The following C3orf49 variants were observed in gnomAD, a reference collection of about 807,000 sequenced individuals.
C3orf49 encodes chromosome 3 open reading frame 49, also known as putative uncharacterized protein C3orf49.
C3orf49 carries 27 observed loss-of-function variants against 13.3 expected under a neutral mutation model. The observed-to-expected ratio is 2.02, with a 90% CI of 1.49 to 2.79. The LOEUF (loss-of-function observed/expected upper bound fraction) is 2.79. Ranked by LOEUF, C3orf49 falls within the 30% of genes most tolerant of loss-of-function variation. The pLI is 0.00. For synonymous variants in C3orf49, 87 were observed against 47.6 expected (o/e 1.83, Z -3.40); for missense variants, 242 against 134.2 (o/e 1.80, Z -3.97).
intron 1 of C3orf49, among the ~76,000 whole-genome samples, chr3:63,821,285 G>T (rs1169662344): frequency 1.3e-5 from 2 of 152,112 alleles, no homozygotes; most frequent in East Asian, 3.9e-4. Context: ...GTTCTGTTTA[G>T]AACAGTGTTT....
chr3:63,839,294 C>T (rs915876725), intron 5 of C3orf49, among the ~76,000 whole-genome samples: 9 of 152,100 alleles, frequency 5.9e-5, no homozygotes, highest in Non-Finnish European at 1.0e-4. Context: ...GCAGAAATCA[C>T]GATTAATTTT....
upstream of C3orf49, among the ~76,000 whole-genome samples, chr3:63,814,581 C>T (rs552447037): frequency 2.6e-5 from 4 of 152,174 alleles, no homozygotes; most frequent in South Asian, 4.1e-4. Context: ...CAGATTTTGT[C>T]CTGCTACAGC....
At chr3:63,788,618 A>G in the C3orf49 span, among the ~76,000 whole-genome samples, 3 of 152,076 alleles carry the variant, frequency 2.0e-5, no homozygotes, top group East Asian at 5.8e-4. Context: ...GCCAACAGAG[A>G]GGGGTAAACC....
intron 5 of C3orf49, chr3:63,839,559 A>T: frequency 2.0e-6 from 2 of 1,000,024 alleles, no homozygotes; most frequent in Admixed American, 1.8e-5. Flanking sequence ...CTGTACATTT[A>T]AGGTGAGTGA....
intron 5 of C3orf49, chr3:63,835,367 T>C: frequency 6.2e-7 from 1 of 1,613,512 alleles, no homozygotes; most frequent in South Asian, 1.1e-5. Flanking sequence ...ATGCTCTAAT[T>C]CTTTTCCCAG....
chr3:63,835,780 T>G (rs1266626357), intron 5 of C3orf49, among the ~76,000 whole-genome samples: 3 of 152,102 alleles, frequency 2.0e-5, no homozygotes, highest in Admixed American at 1.3e-4. Flanking sequence ...CTGGGCCTTT[T>G]TATCTCCTCT....
chr3:63,809,564 A>G, the C3orf49 span, among the ~76,000 whole-genome samples: 2 of 152,190 alleles, frequency 1.3e-5, no homozygotes, highest in African/African-American at 4.8e-5. Flanking sequence ...CGTCTCACAC[A>G]GAGCAAAAGG....
Position 63,848,440 on chromosome 3 carries a change from C to T in C3orf49, c.*107C>T, listed in dbSNP as rs1272644582. ...ATGAGCTGGAAGTCCTTCCCACCCC[C>T]CACCTTCAAGCTGTCCTGCTTTTCT... On this transcript the variant is annotated 3_prime_UTR_variant, in exon 7 of 7. Transcript: ENST00000295896. The T allele has an allele frequency of 6.6e-6, 1 of 152,194 alleles. No homozygotes were observed. Among genetic ancestry groups the T allele is most frequent in the African/African-American group, 2.4e-5 (1 of 41,448 alleles). 9.4% of individuals were successfully genotyped at this position (152,194 alleles called of 1,614,324 possible).
At chr3:63,843,304 G>A (rs959389551) in intron 5 of C3orf49, among the ~76,000 whole-genome samples, 2 of 151,748 alleles carry the variant, frequency 1.3e-5, no homozygotes, top group African/African-American at 4.8e-5. Flanking sequence ...TTCCAGTAGA[G>A]ATGGGGTTTA....
At chr3:63,783,565 C>CACACACAA in the C3orf49 span, among the ~76,000 whole-genome samples, 32 of 134,202 alleles carry the variant, frequency 2.4e-4, 1 homozygote, top group African/African-American at 8.7e-4. Flanking sequence ...CACACACACA[C>CACACACAA]AAATTAGCCA....
intron 5 of C3orf49, among the ~76,000 whole-genome samples, chr3:63,840,398 C>A (rs186331758): frequency 6.6e-6 from 1 of 151,872 alleles, no homozygotes; most frequent in African/African-American, 2.4e-5. Context: ...TTGAGACCAG[C>A]CTGACCAACA....
the C3orf49 span, among the ~76,000 whole-genome samples, chr3:63,807,749 C>CT: frequency 2.7e-5 from 4 of 149,002 alleles, no homozygotes; most frequent in Non-Finnish European, 5.9e-5. Flanking sequence ...CCCAGCTACT[C>CT]GAGAGGTTGA....
chr3:63,804,682 T>C, the C3orf49 span, among the ~76,000 whole-genome samples: 2 of 152,304 alleles, frequency 1.3e-5, no homozygotes, highest in East Asian at 3.9e-4. Flanking sequence ...TACAATTTTA[T>C]GTTAGATTGG....
chr3:63,831,728 G>T lies in C3orf49; in HGVS notation c.733G>T (p.Ala245Ser), dbSNP rs1271555948. The change falls in exon 5 of 7, where the codon GCC becomes TCC. Residue 245 changes from alanine to serine, a missense_variant. Coordinates refer to ENST00000295896, the MANE Select transcript of C3orf49 (RefSeq NM_001355236.2). The part of the protein sequence containing the change: ...TVTDKSMKLL[A>S]QRHAELQQCE... The stretch of plus-strand genomic sequence containing the variant: ...GACTGATAAATCCATGAAGCTACTG[G>T]CCCAAAGACATGCTGAGCTTCAACA... The T allele has an allele frequency of 1.3e-5, 9 of 702,968 alleles. No individual in the cohort carries two copies. Among genetic ancestry groups the T allele is most frequent in the Non-Finnish European group, 2.3e-5 (9 of 385,036 alleles). 43.5% of individuals were successfully genotyped at this position (702,968 alleles called of 1,614,324 possible).
the C3orf49 span, among the ~76,000 whole-genome samples, chr3:63,785,362 G>A: frequency 9.2e-5 from 14 of 152,016 alleles, no homozygotes; most frequent in East Asian, 2.3e-3. Flanking sequence ...GTGAGCCACC[G>A]TGCCTGGCCT....
the C3orf49 span, among the ~76,000 whole-genome samples, chr3:63,781,229 C>G: frequency 2.7e-5 from 4 of 150,654 alleles, no homozygotes; most frequent in Admixed American, 2.0e-4. Flanking sequence ...TTTCCCAGCA[C>G]CATTTATTAA....
chr3:63,831,522 A>C (rs1266349035), intron 4 of C3orf49, among the ~76,000 whole-genome samples, 158 bp from the exon 5 acceptor site: 2 of 152,226 alleles, frequency 1.3e-5, no homozygotes, highest in Non-Finnish European at 2.9e-5. Context: ...GTATGCTTTC[A>C]AGCTCCATTT....
chr3:63,810,180 C>T, the C3orf49 span, among the ~76,000 whole-genome samples: 14 of 151,482 alleles, frequency 9.2e-5, no homozygotes, highest in African/African-American at 2.2e-4. Flanking sequence ...ACCGCAATTA[C>T]GTTTGTGCCA....
chr3:63,832,554 C>T (rs559692615), intron 5 of C3orf49, among the ~76,000 whole-genome samples: 21 of 151,730 alleles, frequency 1.4e-4, no homozygotes, highest in Non-Finnish European at 2.9e-4. Flanking sequence ...CCCAGCTACT[C>T]GGGAGGCTGA....
Sources: gnomAD v4.1 joint callset for allele counts (sites outside exome capture counted in the v4.1 genomes callset) on GRCh38, gnomAD v4.1.1 for gene constraint, MANE v1.5 for transcripts, NCBI Gene and HGNC (gene_info 2026-07-23, HGNC 2026-07-21) for gene names.